The following STAC variants were observed in gnomAD, a reference collection of about 807,000 sequenced individuals.
The protein encoded by STAC is SH3 and cysteine rich domain.
In STAC, 43 loss-of-function variants were observed where a neutral mutation model predicts 48.8. The observed-to-expected ratio is 0.88, with a 90% CI of 0.69 to 1.14. STAC has a LOEUF of 1.14. Ranked by LOEUF, STAC falls within the 50% of genes most tolerant of loss-of-function variation. STAC has a pLI of 0.00. For synonymous variants in STAC, 193 were observed against 179.5 expected (o/e 1.07, Z -0.60); for missense variants, 497 against 504.0 (o/e 0.99, Z 0.13).
At chr3:36,429,403 T>C (rs1424495475) in intron 1 of STAC, among the ~76,000 whole-genome samples, 1 of 152,224 alleles carries the variant, frequency 6.6e-6, no homozygotes, top group Non-Finnish European at 1.5e-5. Context: ...ATATTCCTTA[T>C]GACTGCCGAT....
At chr3:36,495,144 C>T (rs757135289) in intron 6 of STAC, among the ~76,000 whole-genome samples, 7 of 152,196 alleles carry the variant, frequency 4.6e-5, no homozygotes, top group Non-Finnish European at 8.8e-5. Flanking sequence ...GACCTAGCCT[C>T]TCTCTGCTTC....
rs144282261 is a variant in STAC at position 36,464,811 on chromosome 3, G to GGT, written c.389-18164_389-18163dup. Among the ~76,000 whole-genome samples, 592 of 150,296 alleles carry GGT rather than the reference G, an allele frequency of 3.9e-3. 3 individuals carry two copies. The highest frequency in any genetic ancestry group is 0.014 in the South Asian group (66 of 4,750). ...TTTTTATGGTTGAGTAGTATTCCAT[G>GGT]GTGTGTGTGTGTGTGTGTATTTTTT... is the stretch of plus-strand genomic sequence containing the variant. On this transcript the variant is annotated intron_variant, in intron 2 of 10. Coordinates refer to ENST00000273183, the MANE Select transcript of STAC (RefSeq NM_003149.3).
At chr3:36,502,429 T>A (rs1389677611) in intron 6 of STAC, among the ~76,000 whole-genome samples, 1 of 152,192 alleles carries the variant, frequency 6.6e-6, no homozygotes, top group East Asian at 1.9e-4. Flanking sequence ...CAACCATACA[T>A]GAAAACATAT....
chr3:36,514,469 A>T (rs1698620937), intron 8 of STAC, among the ~76,000 whole-genome samples: 1 of 151,754 alleles, frequency 6.6e-6, no homozygotes, highest in South Asian at 2.1e-4. Context: ...TTCTTTCATG[A>T]TGCCATAGTT....
At position 36,468,081 on chromosome 3, in the gene STAC, T is replaced by C. The variant is rs144891121; in HGVS notation, c.389-14911T>C. Among the ~76,000 whole-genome samples, 1,394 of 152,262 alleles carry C rather than the reference T, an allele frequency of 9.2e-3. 87 individuals are homozygous for C. The highest frequency in any genetic ancestry group is 0.084 in the Admixed American group (1,278 of 15,288). The stretch of plus-strand genomic sequence containing the variant: ...ATTAAGTTCAAATAATTTTTTAATT[T>C]CCATCTTGATTTCATTGTTGACCCA... On this transcript the variant is annotated intron_variant, in intron 2 of 10. Transcript: ENST00000273183.
chr3:36,482,853 AT>A (rs1300599876), intron 2 of STAC, 138 bp from the exon 3 acceptor site: 22 of 620,564 alleles, frequency 3.5e-5, no homozygotes, highest in East Asian at 5.6e-5. Context: ...TACCATATAT[AT>A]TTTTTTTCTA....
At chr3:36,535,486 G>T (rs1240250581) in intron 10 of STAC, among the ~76,000 whole-genome samples, 1 of 152,016 alleles carries the variant, frequency 6.6e-6, no homozygotes, top group African/African-American at 2.4e-5. Flanking sequence ...TGATTGCCCT[G>T]GCCAGAACTT....
chr3:36,532,086 C>T (rs1338835561), intron 10 of STAC, among the ~76,000 whole-genome samples: 1 of 152,122 alleles, frequency 6.6e-6, no homozygotes, highest in Non-Finnish European at 1.5e-5. Context: ...CAACTTTGCA[C>T]ATGTGTACAC....
chr3:36,498,873 C>T (rs886777292), intron 6 of STAC, among the ~76,000 whole-genome samples: 7 of 152,094 alleles, frequency 4.6e-5, no homozygotes, highest in African/African-American at 1.4e-4. Flanking sequence ...TATACCTAGA[C>T]GTAGGTTGCT....
intron 2 of STAC, among the ~76,000 whole-genome samples, chr3:36,450,578 T>A (rs1023886479): frequency 6.6e-6 from 1 of 152,162 alleles, no homozygotes; most frequent in East Asian, 1.9e-4. Context: ...CAGGCTGGAG[T>A]GCAGTGGCAC....
At chr3:36,399,146 C>A (rs1699949919) in intron 1 of STAC, among the ~76,000 whole-genome samples, 1 of 152,174 alleles carries the variant, frequency 6.6e-6, no homozygotes. Flanking sequence ...GGAGTACAAT[C>A]TCCCAAAGGG....
intron 1 of STAC, among the ~76,000 whole-genome samples, chr3:36,442,541 G>A (rs1696376922): frequency 6.6e-6 from 1 of 152,094 alleles, no homozygotes; most frequent in African/African-American, 2.4e-5. Context: ...TCCAGTTCCT[G>A]GAGCCAGAAT....
intron 1 of STAC, among the ~76,000 whole-genome samples, chr3:36,381,132 A>G (rs1036765033): frequency 6.6e-6 from 1 of 152,122 alleles, no homozygotes; most frequent in African/African-American, 2.4e-5. Flanking sequence ...TCTTCCAGAA[A>G]AGCTTGAGTA....
At chr3:36,479,436 A>G (rs1697586195) in intron 2 of STAC, among the ~76,000 whole-genome samples, 1 of 152,114 alleles carries the variant, frequency 6.6e-6, no homozygotes, top group South Asian at 2.1e-4. Flanking sequence ...TATTTCTCCC[A>G]ATAACTTTGT....
chr3:36,447,844 T>C (rs898641215), intron 2 of STAC, among the ~76,000 whole-genome samples: 1 of 152,216 alleles, frequency 6.6e-6, no homozygotes, highest in Non-Finnish European at 1.5e-5. Context: ...CATCATTTAA[T>C]TGAAGTTGTT....
intron 1 of STAC, among the ~76,000 whole-genome samples, chr3:36,422,451 A>T (rs1031279650): frequency 6.6e-6 from 1 of 152,178 alleles, no homozygotes; most frequent in Non-Finnish European, 1.5e-5. Context: ...ATCACCATTA[A>T]TAAATATAAC....
chr3:36,398,423 G>A (rs1480276806), intron 1 of STAC, among the ~76,000 whole-genome samples: 20 of 6,900 alleles, frequency 2.9e-3, no homozygotes, highest in Non-Finnish European at 7.6e-3. Flanking sequence ...AGGGAAGGAA[G>A]GAAGGAAGGA....
intron 10 of STAC, among the ~76,000 whole-genome samples, chr3:36,533,475 G>GTTTATT: frequency 1.6e-5 from 1 of 61,430 alleles, no homozygotes; most frequent in African/African-American, 6.4e-5. Flanking sequence ...TTGCTAGCAT[G>GTTTATT]TTTTTTTTTT....
chr3:36,486,776 C>G (rs1370074049), intron 5 of STAC, among the ~76,000 whole-genome samples: 1 of 152,248 alleles, frequency 6.6e-6, no homozygotes, highest in Admixed American at 6.5e-5. Context: ...CCAAGCACCT[C>G]TCCTAAGTTC....
Sources: gnomAD v4.1 joint callset for allele counts (sites outside exome capture counted in the v4.1 genomes callset) on GRCh38, gnomAD v4.1.1 for gene constraint, MANE v1.5 for transcripts, NCBI Gene and HGNC (gene_info 2026-07-23, HGNC 2026-07-21) for gene names.